Variants in GOLM2 observed in about 807,000 individuals in gnomAD.
GOLM2 encodes the protein protein GOLM2.
A neutral mutation model predicts 55.9 loss-of-function variants in GOLM2; 26 were observed. The ratio of observed to expected loss-of-function variants is 0.47; its 90% CI spans 0.34 to 0.65. The LOEUF is 0.65. Ranked by LOEUF, GOLM2 falls within the 30% of genes least tolerant of loss-of-function variation. The pLI is 0.01. For synonymous variants in GOLM2, 165 were observed against 194.6 expected, an observed-to-expected ratio of 0.85 and a Z score of 1.27; for missense variants, 486 against 531.8, an observed-to-expected ratio of 0.91 and a Z score of 0.85.
At chr15:44,372,452 T>A (rs1489346705) in intron 6 of GOLM2, among the ~76,000 whole-genome samples, 2 of 152,136 alleles carry the variant, frequency 1.3e-5, no homozygotes, top group African/African-American at 4.8e-5. Context: ...CCTCTCAGAG[T>A]AGGGGCTGCA....
intron 7 of GOLM2, among the ~76,000 whole-genome samples, chr15:44,380,027 G>A (rs1452556012): frequency 6.6e-5 from 10 of 152,118 alleles, no homozygotes. Context: ...ATGCCACTCT[G>A]AGCTACATTC....
intron 6 of GOLM2, among the ~76,000 whole-genome samples, chr15:44,358,979 AC>A (rs1214152973): frequency 2.6e-5 from 4 of 151,454 alleles, no homozygotes; most frequent in Admixed American, 1.3e-4. Flanking sequence ...ACATGGTGAA[AC>A]CCCATCGCCA....
intron 6 of GOLM2, among the ~76,000 whole-genome samples, chr15:44,371,151 AGCCACCTCAGCAG>A (rs1213597799): frequency 2.6e-5 from 4 of 152,246 alleles, no homozygotes; most frequent in Admixed American, 1.3e-4. Context: ...TGCAAATTCT[AGCCACCTCAGCAG>A]GCCAAACTCT....
At chr15:44,381,009 A>G (rs2079398225) in intron 8 of GOLM2, 33 bp downstream of exon 8, 7 of 1,370,540 alleles carry the variant, frequency 5.1e-6, no homozygotes, top group Non-Finnish European at 6.9e-6. Context: ...TATGCTAAAA[A>G]TATTTCTTTA....
chr15:44,413,271 CATT>C (rs2079650467), intron 9 of GOLM2, 62 bp from the exon 10 acceptor site: 3 of 1,164,696 alleles, frequency 2.6e-6, no homozygotes. Flanking sequence ...AAAACTGAGA[CATT>C]AATTGGATTT....
intron 1 of GOLM2, among the ~76,000 whole-genome samples, chr15:44,303,843 C>A (rs1421361230): frequency 1.3e-5 from 2 of 150,230 alleles, no homozygotes; most frequent in African/African-American, 4.9e-5. Context: ...TCAAGCAATT[C>A]TCGTGCCTTA....
intron 2 of GOLM2, 61 bp downstream of exon 2, chr15:44,323,080 A>T (rs997678826): frequency 8.9e-7 from 1 of 1,117,910 alleles, no homozygotes; most frequent in East Asian, 2.6e-5. Context: ...AAAATTGTGA[A>T]GAATTAAGAA....
chr15:44,343,325 A>T (rs1438042978), intron 6 of GOLM2, among the ~76,000 whole-genome samples: 1 of 151,956 alleles, frequency 6.6e-6, no homozygotes, highest in Non-Finnish European at 1.5e-5. Context: ...AGAAAAAAAA[A>T]AAAAAACCAA....
intron 6 of GOLM2, among the ~76,000 whole-genome samples, chr15:44,362,846 T>C (rs1342844229): frequency 8.5e-5 from 13 of 152,100 alleles, no homozygotes; most frequent in Non-Finnish European, 1.6e-4. Context: ...AAAACAGAGA[T>C]AGAGATCAAT....
chr15:44,333,208 A>C (rs2079034028), intron 4 of GOLM2, among the ~76,000 whole-genome samples: 1 of 152,196 alleles, frequency 6.6e-6, no homozygotes, highest in Non-Finnish European at 1.5e-5. Flanking sequence ...CTGAGATTAC[A>C]GGCATGAGCC....
At chr15:44,394,042 C>G (rs1393309312) in intron 8 of GOLM2, among the ~76,000 whole-genome samples, 1 of 152,268 alleles carries the variant, frequency 6.6e-6, no homozygotes, top group East Asian at 1.9e-4. Context: ...ATTTTGGTAT[C>G]TGCTGGGGTC....
intron 6 of GOLM2, among the ~76,000 whole-genome samples, chr15:44,371,040 C>T (rs954138907): frequency 2.0e-4 from 30 of 152,172 alleles, no homozygotes; most frequent in African/African-American, 6.8e-4. Flanking sequence ...CCTGTGCATA[C>T]ACAACCTGGG....
At chr15:44,411,435 T>C (rs1466980719) in intron 9 of GOLM2, among the ~76,000 whole-genome samples, 2 of 152,218 alleles carry the variant, frequency 1.3e-5, no homozygotes, top group African/African-American at 2.4e-5. Flanking sequence ...AATGTATGAC[T>C]TTCTTTAAAT....
intron 4 of GOLM2, among the ~76,000 whole-genome samples, chr15:44,333,695 A>G (rs1033291481): frequency 1.3e-5 from 2 of 152,174 alleles, no homozygotes; most frequent in South Asian, 2.1e-4. Context: ...TATATAAATA[A>G]TGGGATAAGT....
intron 6 of GOLM2, among the ~76,000 whole-genome samples, chr15:44,363,455 A>G (rs562599786): frequency 6.6e-6 from 1 of 152,244 alleles, no homozygotes; most frequent in Non-Finnish European, 1.5e-5. Context: ...GCTCACCATC[A>G]CTGGCCATCA....
chr15:44,334,977 G>A (rs2079046650), intron 4 of GOLM2, among the ~76,000 whole-genome samples: 1 of 152,124 alleles, frequency 6.6e-6, no homozygotes, highest in Non-Finnish European at 1.5e-5. Context: ...GTTGCAGTGA[G>A]CCAGTACTGC....
At chr15:44,380,128 C>T in intron 7 of GOLM2, among the ~76,000 whole-genome samples, 1 of 152,044 alleles carries the variant, frequency 6.6e-6, no homozygotes, top group East Asian at 1.9e-4. Context: ...ACAGTGCCCA[C>T]CTATATTAAA....
At chr15:44,350,703 G>A (rs2079155695) in intron 6 of GOLM2, among the ~76,000 whole-genome samples, 1 of 152,152 alleles carries the variant, frequency 6.6e-6, no homozygotes, top group Admixed American at 6.6e-5. Flanking sequence ...ATCTCTGATG[G>A]ACATTGGTGC....
At chr15:44,337,512 CAG>C (rs2079065121) in intron 4 of GOLM2, among the ~76,000 whole-genome samples, 1 of 152,212 alleles carries the variant, frequency 6.6e-6, no homozygotes, top group Non-Finnish European at 1.5e-5. Flanking sequence ...CATAGCCAAG[CAG>C]AGTCACCTCT....
Sources: gnomAD v4.1 joint callset for allele counts (sites outside exome capture counted in the v4.1 genomes callset) on GRCh38, gnomAD v4.1.1 for gene constraint, MANE v1.5 for transcripts, NCBI Gene and HGNC (gene_info 2026-07-23, HGNC 2026-07-21) for gene names.